PUM2: variants seen among roughly 807,000 people sequenced by gnomAD.
PUM2 encodes the protein pumilio RNA binding family member 2.
Under a neutral mutation model 124.5 loss-of-function variants are expected in PUM2, and 57 were observed. The ratio of observed to expected loss-of-function variants is 0.46; its 90% CI spans 0.37 to 0.57. The LOEUF (loss-of-function observed/expected upper bound fraction) is 0.57, where lower values mean the gene tolerates loss of function less well. Among genes scored for constraint, PUM2 ranks in the 20% least tolerant of loss-of-function variants. The probability of loss-of-function intolerance (pLI) is 0.00; values close to 1 mark genes in which losing one functional copy is unlikely to be tolerated. For missense variants in PUM2, 1,065 were observed against 1,290.6 expected, an observed-to-expected ratio of 0.83 and a Z score of 2.68; for synonymous variants, 460 against 446.1, an observed-to-expected ratio of 1.03 and a Z score of -0.39.
At chr2:20,313,767 T>C (rs980260656) in intron 3 of PUM2, among the ~76,000 whole-genome samples, 4 of 139,536 alleles carry the variant, frequency 2.9e-5, no homozygotes, top group East Asian at 2.1e-4. Flanking sequence ...ACTCAGGAGG[T>C]TGAAGCTGCA....
At position 20,251,272 on chromosome 2, in the gene PUM2, G is replaced by T; in HGVS notation, c.*313C>A. 1.0e-5 allele frequency: 2 copies of T among 200,824 alleles called. No individual in the cohort carries two copies. The highest frequency in any genetic ancestry group is 1.1e-4 in the South Asian group (1 of 8,958). 12.4% of individuals were successfully genotyped at this position (200,824 alleles called of 1,614,324 possible). On this transcript the variant is annotated 3_prime_UTR_variant, in exon 21 of 21. Transcript: ENST00000361078. ...AAAACTATTTTTGTGACTTTACAAGGTAAAAATTTACAAAATATGTGACAG... is the reference window on the plus strand; with the variant it reads ...AAAACTATTTTTGTGACTTTACAAGTTAAAAATTTACAAAATATGTGACAG...
rs757642588 is a variant in PUM2, at chr2:20,253,813, C to T, written c.3063+9G>A. On this transcript the variant is annotated intron_variant, in intron 20 of 20. Transcript: ENST00000361078. ...CAAACAGTTATCTGAGTGTTACATG[C>T]TGTATTACCTTGTGCATGATTATCT... 3 of 1,598,220 alleles carry T rather than the reference C, an allele frequency of 1.9e-6. No individual in the cohort carries two copies. The South Asian group carries it at 3.4e-5, about 18-fold the overall frequency.
At chr2:20,265,001 T>C (rs116461903) in intron 13 of PUM2, among the ~76,000 whole-genome samples, 2,213 of 152,204 alleles carry the variant, frequency 0.015, 67 homozygotes, top group African/African-American at 0.049. Context: ...CCAAGAGCCA[T>C]AAAATTAATT....
chr2:20,306,167 T>C (rs139186979), intron 7 of PUM2, among the ~76,000 whole-genome samples: 1 of 152,264 alleles, frequency 6.6e-6, no homozygotes, highest in East Asian at 1.9e-4. Flanking sequence ...ACTGCACCAC[T>C]GCACTCCAGC....
intron 14 of PUM2, 116 bp from the exon 15 acceptor site, chr2:20,260,582 ATATAG>A: frequency 1.1e-6 from 1 of 920,498 alleles, no homozygotes. Context: ...ACCATACTTT[ATATAG>A]TAGACAGCTA....
intron 9 of PUM2, among the ~76,000 whole-genome samples, chr2:20,292,851 C>T (rs1272388906): frequency 1.3e-5 from 2 of 151,688 alleles, no homozygotes; most frequent in Non-Finnish European, 2.9e-5. Context: ...GAATTGCTGC[C>T]GGGAGGCAGA....
At chr2:20,258,508 GA>G (rs1467746764) in intron 15 of PUM2, 137 bp from the exon 16 acceptor site, 1 of 693,670 alleles carries the variant, frequency 1.4e-6, no homozygotes, top group African/African-American at 1.9e-5. Context: ...AGCTAATTAA[GA>G]TAGACTGGGA....
chr2:20,347,665 A>C (rs1688509351), intron 1 of PUM2, among the ~76,000 whole-genome samples: 1 of 152,362 alleles, frequency 6.6e-6, no homozygotes, highest in Admixed American at 6.5e-5. Flanking sequence ...TTCCGAACTG[A>C]CTGAAAGACA....
rs1222697327 is a variant in PUM2 at position 20,250,883 on chromosome 2, C to T, written c.*702G>A. The T allele has an allele frequency of 6.6e-6, 1 of 152,534 alleles. No homozygotes were observed. The highest frequency in any genetic ancestry group is 1.5e-5 in the Non-Finnish European group (1 of 67,992). The allele number at this position is 152,534 out of a possible 1,614,324, so 9.4% of individuals were successfully genotyped here. ...TTGTATTTAACTCTTACAACAATTA[C>T]ATATGTAAGTATATACAATATTTCT... is the stretch of plus-strand genomic sequence containing the variant. On this transcript the variant is annotated 3_prime_UTR_variant, in exon 21 of 21. Coordinates refer to ENST00000361078, the MANE Select transcript of PUM2 (RefSeq NM_015317.5).
In PUM2 at chr2:20,318,417, T is replaced by C. The variant is rs980717807; in HGVS notation, c.160+120A>G. The C allele has an allele frequency of 5.3e-5, 41 of 773,842 alleles. No homozygotes were observed. The East Asian group carries it at 7.3e-4, about 14-fold the overall frequency. 47.9% of individuals were successfully genotyped at this position (773,842 alleles called of 1,614,324 possible). On this transcript the variant is annotated intron_variant, in intron 3 of 20. Transcript: ENST00000361078. ...AGTTATTTGAGACCAGCCTGGGCAA[T>C]AGCGCAAAACTATACAAAAAATGCA...
chr2:20,313,681 T>C (rs1027922093), intron 3 of PUM2, among the ~76,000 whole-genome samples: 1 of 151,502 alleles, frequency 6.6e-6, no homozygotes, highest in African/African-American at 2.4e-5. Context: ...AGTTTAAAAA[T>C]TAGCCAAGCA....
At chr2:20,297,413 G>C in intron 8 of PUM2, 140 bp downstream of exon 8, 2 of 803,560 alleles carry the variant, frequency 2.5e-6, no homozygotes, top group Non-Finnish European at 3.6e-6. Flanking sequence ...TAACTTCCTG[G>C]AAACTTTAGT....
chr2:20,263,259 G>C lies in PUM2; in HGVS notation c.2159C>G (p.Pro720Arg), dbSNP rs1666728353. The C allele has an allele frequency of 6.2e-7, 1 of 1,609,940 alleles. No homozygotes were observed. Among genetic ancestry groups the C allele is most frequent in the Non-Finnish European group, 8.5e-7 (1 of 1,176,176 alleles). ...LLEDFRNNRFPNLQLRDLIGH... is the reference protein window; with the variant it reads ...LLEDFRNNRFRNLQLRDLIGH... ...AATCAAGTCTCTAAGCTGAAGGTTT[G>C]GGAAGCGGTTGTTTCTGAAATCTTC... The change falls in exon 14 of 21, where the codon CCA becomes CGA. Residue 720 changes from proline (P) to arginine (R), a missense_variant. By Grantham distance (103) the Pro-to-Arg change is moderately radical. Coordinates refer to ENST00000361078, the MANE Select transcript of PUM2 (RefSeq NM_015317.5).
chr2:20,340,252 T>C, intron 1 of PUM2, among the ~76,000 whole-genome samples: 1 of 152,370 alleles, frequency 6.6e-6, no homozygotes, highest in East Asian at 1.9e-4. Flanking sequence ...ATGCCAGTTC[T>C]ATAGAATGCT....
At chr2:20,258,133 G>T in intron 16 of PUM2, 110 bp downstream of exon 16, 2 of 1,012,590 alleles carry the variant, frequency 2.0e-6, no homozygotes, top group Non-Finnish European at 2.8e-6. Flanking sequence ...TAGTCTAGTT[G>T]TGGAAATATT....
rs1184990581 is a variant in PUM2, at chr2:20,326,362, A to T, written c.51+948T>A. 4 of 1,304,136 alleles carry T rather than the reference A, an allele frequency of 3.1e-6. No individual in the cohort carries two copies. The African/African-American group carries it at 6.1e-5, about 20-fold the overall frequency. The allele number at this position is 1,304,136 out of a possible 1,614,324, so 80.8% of individuals were successfully genotyped here. A position where few individuals can be genotyped will look rare whatever the true frequency, so the allele number is the denominator to read the frequency against. On this transcript the variant is annotated intron_variant, in intron 2 of 20. Transcript: ENST00000361078. ...AGGGTGCCCTCTTGTGGCCCAAAGG[A>T]GAGACTTGGACTCTTTTCTGCATCT...
chr2:20,318,083 C>T (rs1681433004), intron 3 of PUM2, among the ~76,000 whole-genome samples: 1 of 152,122 alleles, frequency 6.6e-6, no homozygotes, highest in Non-Finnish European at 1.5e-5. Context: ...AATGGTAATT[C>T]TGTTTTTACT....
chr2:20,283,897 G>A (rs1301578498), intron 10 of PUM2, among the ~76,000 whole-genome samples: 1 of 152,154 alleles, frequency 6.6e-6, no homozygotes, highest in Non-Finnish European at 1.5e-5. Context: ...TCAAAATCAA[G>A]TGCCTCATTA....
At chr2:20,268,564 G>A (rs1668259365) in intron 13 of PUM2, among the ~76,000 whole-genome samples, 2 of 152,150 alleles carry the variant, frequency 1.3e-5, no homozygotes, top group Non-Finnish European at 2.9e-5. Flanking sequence ...GTTACAGTGA[G>A]CAGAGACTGC....
Sources: allele counts gnomAD v4.1 joint callset (sites outside exome capture counted in the v4.1 genomes callset), GRCh38; gene constraint gnomAD v4.1.1; transcripts MANE v1.5; gene names NCBI Gene and HGNC (gene_info 2026-07-23, HGNC 2026-07-21).